Variants in TCF4 observed in about 807,000 individuals in gnomAD.
TCF4 encodes transcription factor 4, also known as SL3-3 enhancer factor 2.
Under a neutral mutation model 82.1 loss-of-function variants are expected in TCF4, and 3 were observed. The ratio of observed to expected loss-of-function variants is 0.04; its 90% CI spans 0.02 to 0.09. The LOEUF (loss-of-function observed/expected upper bound fraction) is 0.09. Ranked by LOEUF, TCF4 falls within the 10% of genes least tolerant of loss-of-function variation. TCF4 has a pLI of 1.00. For synonymous variants in TCF4, 276 were observed against 309.6 expected (o/e 0.89, Z 1.14); for missense variants, 518 against 852.7 (o/e 0.61, Z 4.89).
At chr18:55,476,085 T>C (rs2096281669) in intron 3 of TCF4, among the ~76,000 whole-genome samples, 1 of 152,140 alleles carries the variant, frequency 6.6e-6, no homozygotes, top group Non-Finnish European at 1.5e-5. Context: ...ACCTGCCATT[T>C]CAGAGGCACT....
chr18:55,319,038 G>GA (rs982791184), intron 8 of TCF4, among the ~76,000 whole-genome samples: 2 of 152,032 alleles, frequency 1.3e-5, no homozygotes, highest in African/African-American at 4.8e-5. Context: ...TTGTCACTGG[G>GA]AAAAAAGAAG....
chr18:55,278,350 G>A (rs2061862989), intron 9 of TCF4, among the ~76,000 whole-genome samples: 1 of 152,112 alleles, frequency 6.6e-6, no homozygotes, highest in African/African-American at 2.4e-5. Flanking sequence ...GGCAAAAAGA[G>A]TTAACATTTT....
chr18:55,469,270 C>A (rs1462083016), intron 3 of TCF4, among the ~76,000 whole-genome samples: 1 of 152,038 alleles, frequency 6.6e-6, no homozygotes, highest in Non-Finnish European at 1.5e-5. Flanking sequence ...TTGAAGCCAG[C>A]CTGGCCAAAA....
rs1356349846 is a variant in TCF4 at position 55,228,060 on chromosome 18, C to A, written c.*5-30G>T. On this transcript the variant is annotated intron_variant, in intron 19 of 19. Transcript: ENST00000354452. ...GAAAGGAAAAAAGAGAGAAAAAATT[C>A]ATTAATATATTTGTAACAGAAAAAG... 5 of 900,804 alleles carry A rather than the reference C, an allele frequency of 5.6e-6. No individual in the cohort carries two copies. The African/African-American group carries it at 8.5e-5, about 15-fold the overall frequency. The allele number at this position is 900,804 out of a possible 1,614,324, so 55.8% of individuals were successfully genotyped here. A position where few individuals can be genotyped will look rare whatever the true frequency, so the allele number is the denominator to read the frequency against.
intron 5 of TCF4, among the ~76,000 whole-genome samples, chr18:55,418,516 T>G (rs145430618): frequency 6.6e-6 from 1 of 152,330 alleles, no homozygotes; most frequent in East Asian, 1.9e-4. Context: ...AGAACTGTTA[T>G]GACTCCTTAT....
intron 3 of TCF4, among the ~76,000 whole-genome samples, chr18:55,578,904 G>A (rs913636354): frequency 1.6e-4 from 24 of 151,866 alleles, no homozygotes; most frequent in South Asian, 4.1e-4. Flanking sequence ...ACAATCAATC[G>A]TGTGGCTGCA....
chr18:55,529,882 A>G (rs1377415756), intron 3 of TCF4, among the ~76,000 whole-genome samples: 1 of 152,124 alleles, frequency 6.6e-6, no homozygotes, highest in Non-Finnish European at 1.5e-5. Flanking sequence ...CAGGTGATTC[A>G]GTTAACACTC....
intron 8 of TCF4, among the ~76,000 whole-genome samples, chr18:55,294,389 G>A (rs966010800): frequency 6.6e-6 from 1 of 152,088 alleles, no homozygotes; most frequent in African/African-American, 2.4e-5. Context: ...CCAATACAAT[G>A]GGTTGCCCAA....
intron 6 of TCF4, among the ~76,000 whole-genome samples, chr18:55,381,418 G>A (rs1315948101): frequency 6.6e-6 from 1 of 152,216 alleles, no homozygotes; most frequent in Non-Finnish European, 1.5e-5. Flanking sequence ...AGCTAAGCTT[G>A]CTAACTAAGT....
At chr18:55,370,993 A>C (rs2088972535) in intron 6 of TCF4, among the ~76,000 whole-genome samples, 1 of 152,202 alleles carries the variant, frequency 6.6e-6, no homozygotes, top group Non-Finnish European at 1.5e-5. Context: ...TTTTGCATTG[A>C]ATTGAGACAT....
chr18:55,389,861 C>T (rs1044749755), intron 6 of TCF4, among the ~76,000 whole-genome samples: 1 of 151,832 alleles, frequency 6.6e-6, no homozygotes, highest in African/African-American at 2.4e-5. Flanking sequence ...GAGGCAGCAG[C>T]AGATTTATTG....
chr18:55,632,254 G>A (rs1003340491), intron 1 of TCF4, among the ~76,000 whole-genome samples: 6 of 152,074 alleles, frequency 3.9e-5, no homozygotes, highest in East Asian at 3.9e-4. Flanking sequence ...TAGCCAGGAC[G>A]GTCTCCATCT....
At chr18:55,360,596 T>C (rs2084845709) in intron 6 of TCF4, among the ~76,000 whole-genome samples, 1 of 152,178 alleles carries the variant, frequency 6.6e-6, no homozygotes, top group South Asian at 2.1e-4. Flanking sequence ...CACCCAACTC[T>C]GCCATTGTTA....
At chr18:55,396,495 C>T (rs1427045149) in intron 6 of TCF4, among the ~76,000 whole-genome samples, 1 of 152,168 alleles carries the variant, frequency 6.6e-6, no homozygotes, top group Non-Finnish European at 1.5e-5. Context: ...AGCGCAGCTT[C>T]ACAGAGCACC....
At chr18:55,402,329 T>A in intron 6 of TCF4, 1 of 605,474 alleles carries the variant, frequency 1.7e-6, no homozygotes, top group Non-Finnish European at 2.1e-6. Context: ...AAAGGAAACT[T>A]TCCTCATAGG....
At chr18:55,311,210 A>C (rs1242533229) in intron 8 of TCF4, among the ~76,000 whole-genome samples, 1 of 152,236 alleles carries the variant, frequency 6.6e-6, no homozygotes, top group Admixed American at 6.5e-5. Context: ...AAAAACAAAA[A>C]AATGTTATCC....
At chr18:55,575,254 A>C (rs1364533216) in intron 3 of TCF4, among the ~76,000 whole-genome samples, 1 of 152,250 alleles carries the variant, frequency 6.6e-6, no homozygotes, top group Non-Finnish European at 1.5e-5. Context: ...ACAGAAAAGC[A>C]TTCAATGGTT....
intron 8 of TCF4, among the ~76,000 whole-genome samples, chr18:55,338,473 G>T (rs2079118185): frequency 6.6e-6 from 1 of 152,062 alleles, no homozygotes; most frequent in African/African-American, 2.4e-5. Flanking sequence ...AGTCTAACTG[G>T]AAATATTAAC....
intron 3 of TCF4, among the ~76,000 whole-genome samples, chr18:55,500,128 G>A (rs1476619075): frequency 6.6e-6 from 1 of 152,160 alleles, no homozygotes; most frequent in African/African-American, 2.4e-5. Context: ...GCTACAGTGA[G>A]CCAAGATTGT....
Sources: allele counts gnomAD v4.1 joint callset (sites outside exome capture counted in the v4.1 genomes callset), GRCh38; gene constraint gnomAD v4.1.1; transcripts MANE v1.5; gene names NCBI Gene and HGNC (gene_info 2026-07-23, HGNC 2026-07-21).